LRRN2: variants seen among roughly 807,000 people sequenced by gnomAD.
LRRN2 encodes the protein leucine rich repeat neuronal 2, also known as leucine-rich repeat neuronal protein 2.
Under a neutral mutation model 35.7 loss-of-function variants are expected in LRRN2, and 10 were observed. The ratio of observed to expected loss-of-function variants is 0.28; its 90% confidence interval spans 0.17 to 0.47. LRRN2 has a LOEUF of 0.47. Among genes scored for constraint, LRRN2 ranks in the 20% least tolerant of loss-of-function variants. The probability of loss-of-function intolerance (pLI) is 0.99; values close to 1 mark genes in which losing one functional copy is unlikely to be tolerated. For synonymous variants in LRRN2, 391 were observed against 409.6 expected, an observed-to-expected ratio of 0.95 and a Z score of 0.55; for missense variants, 731 against 940.3, an observed-to-expected ratio of 0.78 and a Z score of 2.91.
intron 1 of LRRN2, among the ~76,000 whole-genome samples, chr1:204,675,538 C>A (rs922780118): frequency 1.3e-5 from 2 of 152,244 alleles, no homozygotes; most frequent in Admixed American, 1.3e-4. Context: ...CCAGCACTGG[C>A]AGGTCCAGCC....
chr1:204,650,684 G>C (rs894853495), intron 1 of LRRN2, among the ~76,000 whole-genome samples: 3 of 152,186 alleles, frequency 2.0e-5, no homozygotes, highest in African/African-American at 7.2e-5. Context: ...GCATCCAAAA[G>C]TCCCTGTAAA....
chr1:204,619,356 C>T lies in LRRN2; in HGVS notation c.637G>A (p.Ala213Thr), dbSNP rs1412208418. 1 of 1,614,240 alleles carries T rather than the reference C, an allele frequency of 6.2e-7. No homozygotes were observed. The highest frequency in any genetic ancestry group is 8.5e-7 in the Non-Finnish European group (1 of 1,180,052). The change falls in exon 2 of 2, where the codon GCC becomes ACC. Residue 213 changes from alanine to threonine, a missense_variant. Transcript: ENST00000367177. ...GCTAGCACCAGGCTACGCAGGTTGG[C>T]CAGGGGCCGGAAGTTCATGTCCAGG... is the stretch of plus-strand genomic sequence containing the variant. Reference protein sequence around the residue: ...AILDMNFRPLANLRSLVLAGM... With the variant: ...AILDMNFRPLTNLRSLVLAGM...
At chr1:204,646,364 G>A (rs1342110041) in intron 1 of LRRN2, among the ~76,000 whole-genome samples, 2 of 152,094 alleles carry the variant, frequency 1.3e-5, no homozygotes, top group African/African-American at 2.4e-5. Context: ...TTTAGTGAAC[G>A]TTCTTTTCAA....
Position 204,647,409 on chromosome 1 carries a change from A to G in LRRN2, c.-226-27191T>C, listed in dbSNP as rs192792667. Among the ~76,000 whole-genome samples, 401 of 152,342 alleles carry G rather than the reference A, an allele frequency of 2.6e-3. 1 individual carries two copies. Among genetic ancestry groups the G allele is most frequent in the Non-Finnish European group, 4.3e-3 (292 of 68,028 alleles). The stretch of plus-strand genomic sequence containing the variant: ...CCACTCTGACATTTCCAAATGAGAT[A>G]TTTTGATAGAGGTGCCATTCAACAG... On this transcript the variant is annotated intron_variant, in intron 1 of 1. Transcript: ENST00000367177.
At chr1:204,650,362 C>T (rs1013458310) in intron 1 of LRRN2, among the ~76,000 whole-genome samples, 7 of 152,326 alleles carry the variant, frequency 4.6e-5, no homozygotes, top group African/African-American at 1.7e-4. Flanking sequence ...GCTTTGAACC[C>T]AGCGCAGGCC....
chr1:204,641,005 G>GAAAAAAAAAAA (rs58950375), intron 1 of LRRN2, among the ~76,000 whole-genome samples: 1 of 141,956 alleles, frequency 7.0e-6, no homozygotes, highest in Non-Finnish European at 1.5e-5. Context: ...GGTTAAAAAA[G>GAAAAAAAAAAA]AAAAAAAAAA....
chr1:204,657,600 G>A (rs1668387551), intron 1 of LRRN2, among the ~76,000 whole-genome samples: 1 of 152,118 alleles, frequency 6.6e-6, no homozygotes, highest in Admixed American at 6.5e-5. Flanking sequence ...AGGAGTGGCT[G>A]CTGATGGGTA....
At chr1:204,652,050 A>G (rs2772244) in intron 1 of LRRN2, among the ~76,000 whole-genome samples, 35,092 of 152,302 alleles carry the variant, frequency 0.23, 4,640 homozygotes, top group Non-Finnish European at 0.31. Context: ...GCAGCACACA[A>G]CAGGGGAAAT....
intron 1 of LRRN2, among the ~76,000 whole-genome samples, chr1:204,641,058 A>G (rs1667966973): frequency 6.6e-6 from 1 of 152,104 alleles, no homozygotes; most frequent in South Asian, 2.1e-4. Flanking sequence ...AAGGCCATGA[A>G]GAGAGGGTTC....
intron 1 of LRRN2, among the ~76,000 whole-genome samples, chr1:204,634,529 A>G (rs1667785353): frequency 6.6e-6 from 1 of 152,192 alleles, no homozygotes; most frequent in Non-Finnish European, 1.5e-5. Context: ...ATTCAATATG[A>G]CTGGTATCCT....
intron 1 of LRRN2, among the ~76,000 whole-genome samples, chr1:204,650,259 A>G (rs1205394829): frequency 6.6e-6 from 1 of 152,250 alleles, no homozygotes; most frequent in Non-Finnish European, 1.5e-5. Flanking sequence ...GTGAGATGAC[A>G]ATTCCAATTT....
At chr1:204,682,714 C>G (rs1390519782) in intron 1 of LRRN2, among the ~76,000 whole-genome samples, 1 of 152,210 alleles carries the variant, frequency 6.6e-6, no homozygotes, top group East Asian at 1.9e-4. Flanking sequence ...CACCAGCCTT[C>G]TACTTGCCCT....
chr1:204,678,081 C>A (rs1037908562), intron 1 of LRRN2, among the ~76,000 whole-genome samples: 1 of 152,214 alleles, frequency 6.6e-6, no homozygotes, highest in Non-Finnish European at 1.5e-5. Context: ...CCGCGCCCCC[C>A]TGAGGAAGCG....
At chr1:204,674,930 C>T (rs1668791910) in intron 1 of LRRN2, among the ~76,000 whole-genome samples, 1 of 152,204 alleles carries the variant, frequency 6.6e-6, no homozygotes, top group Non-Finnish European at 1.5e-5. Context: ...CCTTTATATG[C>T]ACACGTTTGT....
In LRRN2 at chr1:204,619,327, G is replaced by A; in HGVS notation, c.666C>T (p.Gly222=). Residue 222 remains glycine (G), a synonymous_variant, in exon 2 of 2, where the codon GGC becomes GGT. Transcript: ENST00000367177. ...LANLRSLVLA[G]MNLREISDYA... ...AGTCGGAGATCTCCCGCAGGTTCAT[G>A]CCTGCTAGCACCAGGCTACGCAGGT... The A allele has an allele frequency of 6.2e-7, 1 of 1,614,232 alleles. No individual in the cohort carries two copies. Among genetic ancestry groups the A allele is most frequent in the South Asian group, 1.1e-5 (1 of 91,090 alleles).
intron 1 of LRRN2, among the ~76,000 whole-genome samples, chr1:204,622,610 G>C (rs889172433): frequency 6.6e-6 from 1 of 152,102 alleles, no homozygotes; most frequent in African/African-American, 2.4e-5. Flanking sequence ...CCAGTGTATG[G>C]GGGTCAGGAA....
At chr1:204,674,982 G>A (rs1367075148) in intron 1 of LRRN2, among the ~76,000 whole-genome samples, 1 of 152,290 alleles carries the variant, frequency 6.6e-6, no homozygotes, top group Admixed American at 6.5e-5. Flanking sequence ...TGTAACGGAC[G>A]AGTTCATGAG....
At chr1:204,650,141 G>A (rs933569808) in intron 1 of LRRN2, among the ~76,000 whole-genome samples, 2 of 152,238 alleles carry the variant, frequency 1.3e-5, no homozygotes, top group African/African-American at 2.4e-5. Context: ...AAGGGGGGCA[G>A]CTGAGGGTTA....
In LRRN2 at chr1:204,617,292, AT is replaced by A; in HGVS notation, c.*558del. ...ACACATTTCTCCACAAAGGTACAAA[AT>A]TGCCTATAGAAAGTCAGCTTCGGAA... On this transcript the variant is annotated 3_prime_UTR_variant, in exon 2 of 2. Transcript: ENST00000367177. The A allele has an allele frequency of 6.5e-6, 1 of 153,032 alleles. No homozygotes were observed. Among genetic ancestry groups the A allele is most frequent in the African/African-American group, 2.4e-5 (1 of 41,462 alleles). 9.5% of individuals were successfully genotyped at this position (153,032 alleles called of 1,614,324 possible).
Sources: gnomAD v4.1 joint callset for allele counts (sites outside exome capture counted in the v4.1 genomes callset) on GRCh38, gnomAD v4.1.1 for gene constraint, MANE v1.5 for transcripts, NCBI Gene and HGNC (gene_info 2026-07-23, HGNC 2026-07-21) for gene names.